Variants in GRM8 observed in about 807,000 individuals in gnomAD.
GRM8 encodes metabotropic glutamate receptor 8.
A neutral mutation model predicts 87.2 loss-of-function variants in GRM8; 47 were observed. That is an observed-to-expected ratio of 0.54 (90% CI 0.43 to 0.69). GRM8 has a LOEUF of 0.69. GRM8 is among the 30% of genes least tolerant of loss of function. The pLI is 0.00. For synonymous variants in GRM8, 396 were observed against 404.5 expected, an observed-to-expected ratio of 0.98 and a Z score of 0.25; for missense variants, 1,019 against 1,139.2, an observed-to-expected ratio of 0.89 and a Z score of 1.52.
intron 8 of GRM8, among the ~76,000 whole-genome samples, chr7:126,538,545 T>C (rs1281949187): frequency 2.6e-5 from 4 of 152,088 alleles, no homozygotes; most frequent in African/African-American, 9.6e-5. Flanking sequence ...AAATTTTAAA[T>C]ACATTGTTTA....
chr7:126,700,802 CA>C (rs1487942516), intron 7 of GRM8, among the ~76,000 whole-genome samples: 1 of 152,114 alleles, frequency 6.6e-6, no homozygotes, highest in African/African-American at 2.4e-5. Flanking sequence ...AACAAAATTT[CA>C]GTTTTTAACA....
chr7:127,229,921 A>G (rs1431979668), intron 2 of GRM8: 1 of 152,224 alleles, frequency 6.6e-6, no homozygotes, highest in African/African-American at 2.4e-5. Flanking sequence ...TTGACAATGC[A>G]TTTAATTTCT....
chr7:126,491,026 TG>T (rs1807944509), intron 9 of GRM8, among the ~76,000 whole-genome samples: 11 of 152,094 alleles, frequency 7.2e-5, no homozygotes, highest in Non-Finnish European at 1.6e-4. Flanking sequence ...ATAGCCAAAA[TG>T]AATTGAAAAC....
At chr7:126,462,728 A>G (rs1373174402) in intron 9 of GRM8, among the ~76,000 whole-genome samples, 1 of 151,672 alleles carries the variant, frequency 6.6e-6, no homozygotes, top group Non-Finnish European at 1.5e-5. Context: ...GAATAATTGC[A>G]CTCAAGTGAA....
chr7:126,676,985 C>T (rs1807026076), intron 7 of GRM8, among the ~76,000 whole-genome samples: 1 of 152,022 alleles, frequency 6.6e-6, no homozygotes, highest in South Asian at 2.1e-4. Flanking sequence ...GTCTAATATC[C>T]AGAATCTACA....
At chr7:126,532,876 T>C (rs1046381625) in intron 9 of GRM8, 76 bp downstream of exon 9, 1 of 809,234 alleles carries the variant, frequency 1.2e-6, no homozygotes, top group Non-Finnish European at 2.0e-6. Flanking sequence ...GTGAACCAAA[T>C]AAAAGGAGGA....
At chr7:126,882,128 A>C (rs1194102743) in intron 6 of GRM8, among the ~76,000 whole-genome samples, 2 of 152,196 alleles carry the variant, frequency 1.3e-5, no homozygotes, top group Non-Finnish European at 1.5e-5. Flanking sequence ...GACAGCAGTG[A>C]CATCTGCAGC....
chr7:126,770,767 A>G (rs1011689068), intron 6 of GRM8, among the ~76,000 whole-genome samples: 4 of 152,056 alleles, frequency 2.6e-5, no homozygotes, highest in Non-Finnish European at 5.9e-5. Context: ...TGGAAAAGAA[A>G]TATATTTTAA....
intron 2 of GRM8, 125 bp from the exon 3 acceptor site, chr7:127,106,837 A>G: frequency 1.5e-6 from 1 of 673,734 alleles, no homozygotes; most frequent in Admixed American, 2.5e-5. Flanking sequence ...GCCAAAATAC[A>G]GTTTTATGAC....
At chr7:127,161,149 T>C (rs760709104) in intron 2 of GRM8, among the ~76,000 whole-genome samples, 15 of 152,154 alleles carry the variant, frequency 9.9e-5, no homozygotes, top group Non-Finnish European at 5.9e-5. Context: ...AACGCGACTA[T>C]ACAAATTTTT....
At chr7:127,185,253 A>G (rs1794672362) in intron 2 of GRM8, among the ~76,000 whole-genome samples, 1 of 152,116 alleles carries the variant, frequency 6.6e-6, no homozygotes, top group Admixed American at 6.6e-5. Flanking sequence ...TAGCAAAAGA[A>G]TAGACATATA....
intron 2 of GRM8, among the ~76,000 whole-genome samples, chr7:127,225,659 A>G (rs1456860135): frequency 6.7e-6 from 1 of 148,642 alleles, no homozygotes; most frequent in South Asian, 2.1e-4. Context: ...TATCTATTTT[A>G]TAATAGATAG....
chr7:127,139,845 C>T (rs753666648), intron 2 of GRM8, among the ~76,000 whole-genome samples: 1 of 152,198 alleles, frequency 6.6e-6, no homozygotes, highest in Admixed American at 6.5e-5. Context: ...GCCATGTGAT[C>T]CCTAGTAAAC....
intron 7 of GRM8, among the ~76,000 whole-genome samples, chr7:126,757,759 A>C (rs528543396): frequency 6.6e-6 from 1 of 152,112 alleles, no homozygotes; most frequent in African/African-American, 2.4e-5. Flanking sequence ...GGCAACGACT[A>C]AGTTTCTGAA....
intron 7 of GRM8, among the ~76,000 whole-genome samples, chr7:126,645,663 T>C (rs2237758): frequency 0.31 from 46,837 of 152,170 alleles, 8,077 homozygotes; most frequent in East Asian, 0.43. Context: ...AGTGACCACA[T>C]TACAAGTTTA....
chr7:126,485,037 T>G (rs1807193292), intron 9 of GRM8, among the ~76,000 whole-genome samples: 1 of 152,058 alleles, frequency 6.6e-6, no homozygotes, highest in Admixed American at 6.6e-5. Flanking sequence ...GAGTTGGTTA[T>G]CAGACTAACT....
At chr7:126,944,481 G>A (rs1482919178) in intron 3 of GRM8, among the ~76,000 whole-genome samples, 1 of 152,156 alleles carries the variant, frequency 6.6e-6, no homozygotes, top group Non-Finnish European at 1.5e-5. Context: ...AACCCCCAAC[G>A]CAGCCCAGGG....
intron 3 of GRM8, chr7:127,058,160 A>G (rs775394379): frequency 3.8e-6 from 2 of 522,238 alleles, no homozygotes; most frequent in Admixed American, 2.0e-5. Context: ...ATCATCGCAT[A>G]TTGACACAAT....
At chr7:126,956,024 A>G (rs557821297) in intron 3 of GRM8, among the ~76,000 whole-genome samples, 1 of 152,260 alleles carries the variant, frequency 6.6e-6, no homozygotes, top group East Asian at 1.9e-4. Context: ...GCACATGTAT[A>G]TGTGATGTGT....
Sources: gnomAD v4.1 joint callset for allele counts (sites outside exome capture counted in the v4.1 genomes callset) on GRCh38, gnomAD v4.1.1 for gene constraint, MANE v1.5 for transcripts, NCBI Gene and HGNC (gene_info 2026-07-23, HGNC 2026-07-21) for gene names.